The following ENTHD1 variants were observed in gnomAD, a reference collection of about 807,000 sequenced individuals.
ENTHD1 encodes ENTH domain-containing protein 1.
Under a neutral mutation model 39.1 loss-of-function variants are expected in ENTHD1, and 23 were observed. The ratio of observed to expected loss-of-function variants is 0.59; its 90% CI spans 0.42 to 0.83. ENTHD1 has a LOEUF of 0.83. ENTHD1 is among the 40% of genes least tolerant of loss of function. The pLI is 0.00. For synonymous variants in ENTHD1, 230 were observed against 258.2 expected (o/e 0.89, Z 1.05); for missense variants, 624 against 705.4 (o/e 0.88, Z 1.31).
Position 39,765,534 on chromosome 22 carries a change from A to T in ENTHD1, c.908T>A (p.Ile303Asn), listed in dbSNP as rs757998756. ...DVSLDKRSDG[I>N]FTNTVTENLL... Reference sequence around the variant, plus strand: ...GTTTTCTGTGACAGTATTTGTAAAGATACCATCTGATCTCTTGTCCAAACT... The same window carrying T: ...GTTTTCTGTGACAGTATTTGTAAAGTTACCATCTGATCTCTTGTCCAAACT... The change falls in exon 6 of 7, where the codon ATC becomes AAC. Residue 303 changes from isoleucine to asparagine, a missense_variant. Physicochemically the swap from Ile to Asn is moderately radical, Grantham distance 149. Transcript: ENST00000325157. 1 of 1,613,924 alleles carries T rather than the reference A, an allele frequency of 6.2e-7. No individual in the cohort carries two copies. Among genetic ancestry groups the T allele is most frequent in the East Asian group, 2.2e-5 (1 of 44,872 alleles).
At chr22:39,758,424 A>T (rs1225944457) in intron 6 of ENTHD1, among the ~76,000 whole-genome samples, 1 of 151,958 alleles carries the variant, frequency 6.6e-6, no homozygotes, top group African/African-American at 2.4e-5. Flanking sequence ...AAAACATTTT[A>T]TTTATTTATT....
At chr22:39,887,290 C>T in intron 2 of ENTHD1, 110 bp downstream of exon 2, 1 of 915,358 alleles carries the variant, frequency 1.1e-6, no homozygotes, top group Non-Finnish European at 1.6e-6. Flanking sequence ...TTCCTCACTA[C>T]AGCATCAAAT....
intron 5 of ENTHD1, among the ~76,000 whole-genome samples, chr22:39,807,846 ACT>A (rs1395864476): frequency 1.3e-5 from 2 of 151,142 alleles, no homozygotes; most frequent in East Asian, 2.0e-4. Flanking sequence ...AAACTGTGAA[ACT>A]CTTGTTTTAG....
chr22:39,745,882 G>A (rs2065100700), intron 6 of ENTHD1, among the ~76,000 whole-genome samples: 1 of 152,104 alleles, frequency 6.6e-6, no homozygotes, highest in Admixed American at 6.6e-5. Context: ...GTATTGCTGT[G>A]CAGGGGTTGG....
At chr22:39,755,924 C>T (rs1012518913) in intron 6 of ENTHD1, among the ~76,000 whole-genome samples, 1 of 152,048 alleles carries the variant, frequency 6.6e-6, no homozygotes, top group African/African-American at 2.4e-5. Flanking sequence ...CCTAAGGTTG[C>T]ACATTTAGTG....
intron 5 of ENTHD1, among the ~76,000 whole-genome samples, chr22:39,801,120 A>G (rs977024737): frequency 6.6e-6 from 1 of 152,254 alleles, no homozygotes; most frequent in African/African-American, 2.4e-5. Flanking sequence ...CTGAATAATT[A>G]AGCTGTTCCA....
At chr22:39,756,339 C>CAT (rs1469746870) in intron 6 of ENTHD1, among the ~76,000 whole-genome samples, 1 of 151,466 alleles carries the variant, frequency 6.6e-6, no homozygotes, top group African/African-American at 2.4e-5. Context: ...CACACACACA[C>CAT]GCACACACTT....
At chr22:39,837,126 T>G (rs1295747621) in intron 3 of ENTHD1, among the ~76,000 whole-genome samples, 1 of 152,182 alleles carries the variant, frequency 6.6e-6, no homozygotes, top group Non-Finnish European at 1.5e-5. Flanking sequence ...TAGTACCAAC[T>G]CTAAAAAGTC....
At chr22:39,844,498 G>C (rs2065971408) in intron 3 of ENTHD1, among the ~76,000 whole-genome samples, 1 of 152,128 alleles carries the variant, frequency 6.6e-6, no homozygotes, top group Non-Finnish European at 1.5e-5. Flanking sequence ...TTCAGTAGCT[G>C]ACTCCTGGGT....
chr22:39,891,726 C>T (rs1320139960), intron 1 of ENTHD1, among the ~76,000 whole-genome samples: 1 of 151,892 alleles, frequency 6.6e-6, no homozygotes, highest in African/African-American at 2.4e-5. Flanking sequence ...TCAAGCAATT[C>T]TCCTGCCTCA....
chr22:39,862,264 A>G (rs894669775), intron 2 of ENTHD1, among the ~76,000 whole-genome samples: 1 of 152,160 alleles, frequency 6.6e-6, no homozygotes, highest in Non-Finnish European at 1.5e-5. Context: ...TAAAAGCAAT[A>G]TATGGCTGGG....
intron 2 of ENTHD1, among the ~76,000 whole-genome samples, chr22:39,871,743 T>C (rs1485805103): frequency 6.6e-6 from 1 of 152,222 alleles, no homozygotes; most frequent in Non-Finnish European, 1.5e-5. Context: ...CTTGCTATCA[T>C]GATTACCAAC....
intron 5 of ENTHD1, among the ~76,000 whole-genome samples, chr22:39,807,120 G>T (rs1013343490): frequency 1.3e-5 from 2 of 152,094 alleles, no homozygotes; most frequent in African/African-American, 4.8e-5. Context: ...CTTCATTTTA[G>T]GAATGTCCTA....
chr22:39,836,884 T>C (rs2065911026), intron 3 of ENTHD1, among the ~76,000 whole-genome samples: 1 of 152,190 alleles, frequency 6.6e-6, no homozygotes. Flanking sequence ...CCGCTATGAT[T>C]GTAAGTTTCC....
chr22:39,744,285 T>C lies in ENTHD1; in HGVS notation c.1220-2A>G, dbSNP rs767590468. The C allele has an allele frequency of 6.3e-7, 1 of 1,580,526 alleles. No homozygotes were observed. Among genetic ancestry groups the C allele is most frequent in the South Asian group, 1.2e-5 (1 of 84,858 alleles). On this transcript the variant is annotated splice_acceptor_variant, in intron 6 of 6. Coordinates refer to ENST00000325157, the MANE Select transcript of ENTHD1 (RefSeq NM_152512.4). LOFTEE classifies it high-confidence loss of function. ...ATGCTCCCTCAGAAGCAGTTGAAAC[T>C]AAAATGTGTAAATGAGAGAAAAAAG...
At chr22:39,882,089 C>G (rs2066343020) in intron 2 of ENTHD1, among the ~76,000 whole-genome samples, 1 of 152,166 alleles carries the variant, frequency 6.6e-6, no homozygotes, top group Non-Finnish European at 1.5e-5. Context: ...TCATTTTTAT[C>G]TAGCAGTTTT....
At chr22:39,850,826 T>A (rs969455184) in intron 3 of ENTHD1, among the ~76,000 whole-genome samples, 3 of 152,150 alleles carry the variant, frequency 2.0e-5, no homozygotes, top group African/African-American at 7.2e-5. Context: ...CCCACTTACA[T>A]ACCGTGGCTA....
intron 5 of ENTHD1, among the ~76,000 whole-genome samples, chr22:39,795,258 G>A (rs1403479886): frequency 6.6e-6 from 1 of 152,100 alleles, no homozygotes; most frequent in Non-Finnish European, 1.5e-5. Context: ...TTAGAATCAT[G>A]GTAATGCTTG....
intron 5 of ENTHD1, among the ~76,000 whole-genome samples, chr22:39,776,950 G>A (rs768169874): frequency 2.0e-5 from 3 of 152,150 alleles, no homozygotes; most frequent in Non-Finnish European, 2.9e-5. Flanking sequence ...GTGAATCTTA[G>A]TAGTGGGGTT....
Sources: allele counts gnomAD v4.1 joint callset (sites outside exome capture counted in the v4.1 genomes callset), GRCh38; gene constraint gnomAD v4.1.1; transcripts MANE v1.5; gene names NCBI Gene and HGNC (gene_info 2026-07-23, HGNC 2026-07-21).